CHL1: variants seen among roughly 807,000 people sequenced by gnomAD.
CHL1 encodes cell adhesion molecule L1 like.
CHL1 carries 96 observed loss-of-function variants against 141.9 expected under a neutral mutation model. The observed-to-expected ratio is 0.68, with a 90% confidence interval of 0.57 to 0.80. The LOEUF (loss-of-function observed/expected upper bound fraction) is 0.80. Among genes scored for constraint, CHL1 ranks in the 30% least tolerant of loss-of-function variants. The probability of loss-of-function intolerance (pLI) is 0.00; values close to 1 mark genes in which losing one functional copy is unlikely to be tolerated. For synonymous variants in CHL1, 613 were observed against 502.2 expected (o/e 1.22, Z -2.95); for missense variants, 1,820 against 1,457.2 (o/e 1.25, Z -4.05).
chr3:321,460 A>T (rs1700559037), intron 3 of CHL1, among the ~76,000 whole-genome samples: 1 of 152,092 alleles, frequency 6.6e-6, no homozygotes, highest in African/African-American at 2.4e-5. Context: ...TTGAGTATGC[A>T]GTAGCAAGTT....
chr3:341,925 C>T lies in CHL1; in HGVS notation c.522C>T (p.Ile174=), dbSNP rs143704896. The part of the protein sequence containing the change: ...IYWMNIELEH[I]EQDERVYMSQ... ...ATCTCTTTTCAGAATTAGAACACATCGAACAAGATGAAAGAGTATACATGA... is the reference window on the plus strand; with the variant it reads ...ATCTCTTTTCAGAATTAGAACACATTGAACAAGATGAAAGAGTATACATGA... The change falls in exon 7 of 28, where the codon ATC becomes ATT. Residue 174 remains isoleucine, a synonymous_variant. Coordinates refer to ENST00000256509, the MANE Select transcript of CHL1 (RefSeq NM_006614.4). 136 of 1,604,228 alleles carry T rather than the reference C, an allele frequency of 8.5e-5. No homozygotes were observed. In the African/African-American group the frequency reaches 1.7e-3, roughly 20 times the overall value.
At chr3:361,904 A>G (rs2125267457) in intron 13 of CHL1, 94 bp downstream of exon 13, 1 of 852,772 alleles carries the variant, frequency 1.2e-6, no homozygotes, top group Non-Finnish European at 2.0e-6. Context: ...TATTGTGTCT[A>G]TATTGTTACA....
chr3:348,118 T>A (rs1041039416), intron 9 of CHL1, among the ~76,000 whole-genome samples: 1 of 152,116 alleles, frequency 6.6e-6, no homozygotes, highest in Non-Finnish European at 1.5e-5. Context: ...TCTAAGACTA[T>A]AGAGTTAGGA....
At position 391,018 on chromosome 3, in the gene CHL1, C is replaced by A. The variant is rs755713997; in HGVS notation, c.2650C>A (p.Leu884Ile). 2.5e-6 allele frequency: 4 copies of A among 1,614,154 alleles called. No homozygotes were observed. In the Admixed American group the frequency reaches 5.0e-5, roughly 20 times the overall value. Residue 884 changes from leucine (L) to isoleucine (I), a missense_variant, in exon 22 of 28, where the codon CTA becomes ATA. By Grantham distance (5) the Leu-to-Ile change is conservative. Transcript: ENST00000256509. ...GRTHPKEVNI[L>I]RFSGQRNSGM... ...AACACATCCCAAAGAAGTGAACATTCTAAGATTTTCAGGACAAAGAAACTC... is the reference window on the plus strand; with the variant it reads ...AACACATCCCAAAGAAGTGAACATTATAAGATTTTCAGGACAAAGAAACTC...
chr3:340,090 T>C (rs1702241840), intron 5 of CHL1, among the ~76,000 whole-genome samples: 1 of 152,216 alleles, frequency 6.6e-6, no homozygotes, highest in Admixed American at 6.5e-5. Context: ...TTCTGCACAA[T>C]TCTGACTTAT....
chr3:215,155 G>C (rs923000268), intron 1 of CHL1, among the ~76,000 whole-genome samples: 1 of 150,922 alleles, frequency 6.6e-6, no homozygotes, highest in Non-Finnish European at 1.5e-5. Flanking sequence ...CCAAGATATA[G>C]AATCAACCTA....
At chr3:353,732 C>T (rs1161773176) in intron 10 of CHL1, among the ~76,000 whole-genome samples, 6 of 152,150 alleles carry the variant, frequency 3.9e-5, no homozygotes, top group East Asian at 3.9e-4. Flanking sequence ...TGAAGACTTT[C>T]GTTTTTAGCT....
intron 5 of CHL1, among the ~76,000 whole-genome samples, chr3:329,437 T>A (rs1413858127): frequency 1.3e-5 from 2 of 152,018 alleles, no homozygotes; most frequent in Admixed American, 6.6e-5. Context: ...AAAGTCCTTA[T>A]ATAATTCTAG....
At chr3:259,658 C>A (rs1486870984) in intron 2 of CHL1, among the ~76,000 whole-genome samples, 2 of 152,022 alleles carry the variant, frequency 1.3e-5, no homozygotes, top group African/African-American at 4.8e-5. Context: ...TACTTCCAAG[C>A]ATTTTATATC....
intron 1 of CHL1, among the ~76,000 whole-genome samples, chr3:227,511 G>C (rs1701460231): frequency 1.3e-5 from 2 of 152,170 alleles, no homozygotes. Flanking sequence ...AAAGACAATA[G>C]GTGATATGCA....
At chr3:324,730 C>T (rs1700874666) in intron 3 of CHL1, among the ~76,000 whole-genome samples, 1 of 151,780 alleles carries the variant, frequency 6.6e-6, no homozygotes, top group African/African-American at 2.4e-5. Flanking sequence ...CTTCAACCTC[C>T]TGGTCTCAAA....
intron 5 of CHL1, among the ~76,000 whole-genome samples, chr3:331,209 TTTTGTTTG>T (rs10570525): frequency 0.74 from 111,032 of 150,394 alleles, 41,561 homozygotes; most frequent in Middle Eastern, 0.82. Flanking sequence ...TTTCTGGCTT[TTTTGTTTG>T]TTTGTTTGTT....
In CHL1 at chr3:360,290, C is replaced by A. The variant is rs1230913382; in HGVS notation, c.1172C>A (p.Pro391Gln). 2 of 1,613,516 alleles carry A rather than the reference C, an allele frequency of 1.2e-6. No individual in the cohort carries two copies. Among genetic ancestry groups the A allele is most frequent in the Non-Finnish European group, 1.7e-6 (2 of 1,179,732 alleles). Residue 391 changes from proline (P) to glutamine (Q), a missense_variant, in exon 12 of 28, where the codon CCA becomes CAA. Coordinates refer to ENST00000256509, the MANE Select transcript of CHL1 (RefSeq NM_006614.4). The stretch of plus-strand genomic sequence containing the variant: ...ATTCTTTAATCTCTTTCAGATCATC[C>A]ATTTGCTGGTGATGTTGTCTTCCCC... Reference protein sequence around the residue: ...RVNGSPVDNHPFAGDVVFPRE... With the variant: ...RVNGSPVDNHQFAGDVVFPRE...
In CHL1 at chr3:211,662, C is replaced by T. The variant is rs141538329; in HGVS notation, c.-175+14599C>T. Reference sequence around the variant, plus strand: ...CTGACAAACATGAGTAGATGTTTTCCCCTCACAGTCTTGCCAAAAAGCACT... The same window carrying T: ...CTGACAAACATGAGTAGATGTTTTCTCCTCACAGTCTTGCCAAAAAGCACT... On this transcript the variant is annotated intron_variant, in intron 1 of 27. Transcript: ENST00000256509. Among the ~76,000 whole-genome samples the T allele has an allele frequency of 1.8e-4, 28 of 152,178 alleles. No homozygotes were observed. In the East Asian group the frequency reaches 2.7e-3, roughly 15 times the overall value.
intron 5 of CHL1, among the ~76,000 whole-genome samples, chr3:337,700 C>A (rs1369480675): frequency 2.6e-5 from 4 of 152,152 alleles, no homozygotes; most frequent in Admixed American, 2.6e-4. Flanking sequence ...ATGAACTCAT[C>A]ATTTTTATGG....
chr3:362,602 A>C (rs949259969), intron 13 of CHL1, among the ~76,000 whole-genome samples: 8 of 148,538 alleles, frequency 5.4e-5, no homozygotes, highest in South Asian at 2.2e-4. Context: ...TCCTACATGG[A>C]CCGCATCCAC....
At chr3:231,514 A>G (rs1701849018) in intron 1 of CHL1, among the ~76,000 whole-genome samples, 1 of 152,096 alleles carries the variant, frequency 6.6e-6, no homozygotes, top group African/African-American at 2.4e-5. Context: ...TAATAAAAAA[A>G]GAAGTTTATA....
At chr3:389,709 A>G (rs865854453) in intron 20 of CHL1, among the ~76,000 whole-genome samples, 2 of 152,312 alleles carry the variant, frequency 1.3e-5, no homozygotes, top group South Asian at 2.1e-4. Flanking sequence ...TCAGTTTCCT[A>G]TAAAGCTCTT....
chr3:339,636 G>C (rs1207621712), intron 5 of CHL1, among the ~76,000 whole-genome samples: 2 of 152,112 alleles, frequency 1.3e-5, no homozygotes, highest in African/African-American at 4.8e-5. Flanking sequence ...CTTGAATTTA[G>C]ACAAAAAGCA....
Sources: allele counts gnomAD v4.1 joint callset (sites outside exome capture counted in the v4.1 genomes callset), GRCh38; gene constraint gnomAD v4.1.1; transcripts MANE v1.5; gene names NCBI Gene and HGNC (gene_info 2026-07-23, HGNC 2026-07-21).